Variants in CPB2 observed in about 807,000 individuals in gnomAD.
CPB2 encodes the protein carboxypeptidase B2.
CPB2 carries 54 observed loss-of-function variants against 57.0 expected under a neutral mutation model. That is an observed-to-expected ratio of 0.95 (90% CI 0.76 to 1.19). The LOEUF (loss-of-function observed/expected upper bound fraction) is 1.19, where lower values mean the gene tolerates loss of function less well. Among genes scored for constraint, CPB2 ranks in the 50% most tolerant of loss-of-function variants. The pLI is 0.00. For missense variants in CPB2, 426 were observed against 512.0 expected, an observed-to-expected ratio of 0.83 and a Z score of 1.62; for synonymous variants, 189 against 178.1, an observed-to-expected ratio of 1.06 and a Z score of -0.49.
At chr13:46,084,179 G>T in intron 3 of CPB2, 40 bp downstream of exon 3, 1 of 1,608,516 alleles carries the variant, frequency 6.2e-7, no homozygotes, top group Non-Finnish European at 8.5e-7. Context: ...CATAGTAAGT[G>T]TTTATAATAA....
chr13:46,070,085 A>T (rs1000975780), intron 6 of CPB2, among the ~76,000 whole-genome samples: 1 of 152,240 alleles, frequency 6.6e-6, no homozygotes, highest in Non-Finnish European at 1.5e-5. Flanking sequence ...AGCAATGCAT[A>T]TTCAGTAGAA....
At chr13:46,093,797 A>C (rs2139416360) in intron 1 of CPB2, among the ~76,000 whole-genome samples, 1 of 152,298 alleles carries the variant, frequency 6.6e-6, no homozygotes, top group East Asian at 1.9e-4. Flanking sequence ...GATTCTTTTT[A>C]AAAGAAAGGT....
chr13:46,087,125 G>A (rs1054635860), intron 2 of CPB2, among the ~76,000 whole-genome samples: 3 of 152,198 alleles, frequency 2.0e-5, no homozygotes, highest in Non-Finnish European at 2.9e-5. Context: ...TGGCCCCCAA[G>A]AGCACAGGGA....
At chr13:46,075,612 A>G (rs1206262200) in intron 5 of CPB2, among the ~76,000 whole-genome samples, 2 of 152,368 alleles carry the variant, frequency 1.3e-5, no homozygotes, top group Non-Finnish European at 2.9e-5. Flanking sequence ...AACATTTCAT[A>G]TGTCTGCCTT....
intron 5 of CPB2, among the ~76,000 whole-genome samples, chr13:46,076,606 T>C (rs1332413647): frequency 6.6e-6 from 1 of 152,106 alleles, no homozygotes; most frequent in African/African-American, 2.4e-5. Flanking sequence ...ATCAATATAC[T>C]CTTCATAGAA....
intron 1 of CPB2, chr13:46,094,783 A>G (rs2045343186): frequency 6.6e-6 from 1 of 152,138 alleles, no homozygotes; most frequent in Non-Finnish European, 1.5e-5. Flanking sequence ...AAATAAATCA[A>G]AGCTGGATAA....
intron 4 of CPB2, among the ~76,000 whole-genome samples, chr13:46,081,120 A>C (rs1278098126): frequency 1.3e-5 from 2 of 151,986 alleles, no homozygotes; most frequent in African/African-American, 2.4e-5. Context: ...TGAGAAAACA[A>C]ATTTCTGTGA....
At chr13:46,089,481 T>C (rs1033510112) in intron 1 of CPB2, among the ~76,000 whole-genome samples, 94 of 151,838 alleles carry the variant, frequency 6.2e-4, no homozygotes, top group African/African-American at 2.1e-3. Flanking sequence ...AAATGTGGAG[T>C]TGCATAATGG....
At chr13:46,079,535 C>CAAAAAAAAAAAAAA (rs58164990) in intron 4 of CPB2, among the ~76,000 whole-genome samples, 41 of 110,984 alleles carry the variant, frequency 3.7e-4, no homozygotes, top group African/African-American at 4.4e-4. Context: ...AAGGAAAAAG[C>CAAAAAAAAAAAAAA]AAAAAAAAAA....
At position 46,078,838 on chromosome 13, in the gene CPB2, C is replaced by T. The variant is rs1052986196; in HGVS notation, c.448G>A (p.Gly150Arg). Residue 150 changes from glycine (G) to arginine (R), a missense_variant, in exon 5 of 11, where the codon GGA becomes AGA. Gly to Arg is a moderately radical substitution (Grantham distance 125, BLOSUM62 -2). Coordinates refer to ENST00000181383, the MANE Select transcript of CPB2 (RefSeq NM_001872.5). ...AGTGGGTACTTCTCAAATGAGGATCCAATGTGGATTTTTGTAAGCATATCA... is the reference window on the plus strand; with the variant it reads ...AGTGGGTACTTCTCAAATGAGGATCTAATGTGGATTTTTGTAAGCATATCA... Reference protein sequence around the residue: ...HPDMLTKIHIGSSFEKYPLYV... With the variant: ...HPDMLTKIHIRSSFEKYPLYV... 6.2e-7 allele frequency: 1 copy of T among 1,612,074 alleles called. No individual in the cohort carries two copies.
At chr13:46,058,129 T>C in intron 9 of CPB2, 50 bp downstream of exon 9, 3 of 1,539,320 alleles carry the variant, frequency 1.9e-6, no homozygotes, top group Middle Eastern at 2.3e-4. Context: ...CAACTAAGTA[T>C]TATTTTATTT....
chr13:46,064,014 T>C (rs1388860319), intron 8 of CPB2, among the ~76,000 whole-genome samples: 1 of 151,972 alleles, frequency 6.6e-6, no homozygotes, highest in East Asian at 1.9e-4. Flanking sequence ...GTGAGCCACT[T>C]TGGGAGGCCG....
At chr13:46,061,318 T>G (rs2044769615) in intron 8 of CPB2, among the ~76,000 whole-genome samples, 1 of 152,236 alleles carries the variant, frequency 6.6e-6, no homozygotes, top group South Asian at 2.1e-4. Context: ...TTAGAAAATG[T>G]GTGGTGCTAT....
intron 2 of CPB2, among the ~76,000 whole-genome samples, chr13:46,086,860 GC>G (rs1433334088): frequency 6.6e-6 from 1 of 152,232 alleles, no homozygotes; most frequent in Non-Finnish European, 1.5e-5. Context: ...CAGGGGGCTA[GC>G]ATGTCAGTAC....
At chr13:46,058,474 G>A in intron 8 of CPB2, 93 bp from the exon 9 acceptor site, 2 of 1,038,094 alleles carry the variant, frequency 1.9e-6, no homozygotes, top group South Asian at 1.4e-5. Context: ...TACCTATGTT[G>A]CAACACTTTT....
chr13:46,080,690 G>A (rs1219162367), intron 4 of CPB2, among the ~76,000 whole-genome samples: 1 of 152,146 alleles, frequency 6.6e-6, no homozygotes, highest in African/African-American at 2.4e-5. Flanking sequence ...GTCATATGAG[G>A]CTGGGCATGG....
At chr13:46,053,920 T>A in intron 10 of CPB2, 122 bp from the exon 11 acceptor site, 1 of 901,078 alleles carries the variant, frequency 1.1e-6, no homozygotes, top group Non-Finnish European at 1.6e-6. Flanking sequence ...AGTTTTTAAC[T>A]AATATAAACA....
At chr13:46,092,366 A>G (rs897522921) in intron 1 of CPB2, among the ~76,000 whole-genome samples, 1 of 152,252 alleles carries the variant, frequency 6.6e-6, no homozygotes, top group African/African-American at 2.4e-5. Context: ...GTTAATAGTA[A>G]TATAACAATG....
intron 4 of CPB2, 68 bp from the exon 5 acceptor site, chr13:46,078,969 C>G (rs2045065883): frequency 3.1e-6 from 3 of 959,424 alleles, no homozygotes; most frequent in Non-Finnish European, 5.0e-6. Context: ...CCAAAGCAAG[C>G]AGACAACTTC....
Sources: allele counts gnomAD v4.1 joint callset (sites outside exome capture counted in the v4.1 genomes callset), GRCh38; gene constraint gnomAD v4.1.1; transcripts MANE v1.5; gene names NCBI Gene and HGNC (gene_info 2026-07-23, HGNC 2026-07-21).